Variants in FAM149A observed in about 807,000 individuals in gnomAD.
FAM149A encodes the protein family with sequence similarity 149 member A.
Under a neutral mutation model 78.2 loss-of-function variants are expected in FAM149A, and 71 were observed. The ratio of observed to expected loss-of-function variants is 0.91; its 90% confidence interval spans 0.75 to 1.11. The LOEUF (loss-of-function observed/expected upper bound fraction) is 1.11. FAM149A is among the 50% of genes least tolerant of loss of function. The probability of loss-of-function intolerance (pLI) is 0.00; values close to 1 mark genes in which losing one functional copy is unlikely to be tolerated. For missense variants in FAM149A, 1,036 were observed against 971.0 expected (o/e 1.07, Z -0.89); for synonymous variants, 446 against 410.5 (o/e 1.09, Z -1.04).
chr4:186,116,297 A>G lies in FAM149A; in HGVS notation c.566+10655A>G, dbSNP rs536682568. Reference sequence around the variant, plus strand: ...CACTGACCTGCGCCCACTGTCTGGCACTCCCTAGTGAGATGCACCCGGTAC... The same window carrying G: ...CACTGACCTGCGCCCACTGTCTGGCGCTCCCTAGTGAGATGCACCCGGTAC... On this transcript the variant is annotated intron_variant, in intron 1 of 13. Coordinates refer to ENST00000389354, the MANE Select transcript of FAM149A (RefSeq NM_001367768.3). 110 of 207,144 alleles carry G rather than the reference A, an allele frequency of 5.3e-4. 1 individual carries two copies. The Middle Eastern group carries it at 7.4e-3, about 14-fold the overall frequency. 12.8% of individuals were successfully genotyped at this position (207,144 alleles called of 1,614,324 possible).
At chr4:186,132,923 A>G (rs1475680235) in intron 1 of FAM149A, 10 of 957,660 alleles carry the variant, frequency 1.0e-5, no homozygotes, top group Non-Finnish European at 1.2e-5. Flanking sequence ...TGTTCATGTT[A>G]AGCCCTGAAC....
intron 1 of FAM149A, chr4:186,126,767 G>A: frequency 3.7e-6 from 2 of 543,902 alleles, no homozygotes; most frequent in Non-Finnish European, 4.7e-6. Context: ...GGCAGATGAT[G>A]CGACTTCTTA....
At chr4:186,123,367 G>C in intron 1 of FAM149A, 1 of 985,374 alleles carries the variant, frequency 1.0e-6, no homozygotes, top group Non-Finnish European at 1.2e-6. Flanking sequence ...GTGAATTTTC[G>C]TCTCATGGAC....
At chr4:186,140,915 AT>A (rs2099325533) in intron 1 of FAM149A, among the ~76,000 whole-genome samples, 1 of 152,222 alleles carries the variant, frequency 6.6e-6, no homozygotes, top group African/African-American at 2.4e-5. Context: ...TAGCTCATTG[AT>A]TATGGAGGCT....
At chr4:186,165,579 T>C in intron 11 of FAM149A, 115 bp downstream of exon 11, 2 of 974,604 alleles carry the variant, frequency 2.1e-6, no homozygotes, top group South Asian at 1.7e-5. Flanking sequence ...TGAGTAGCTG[T>C]ATTCAAATGC....
intron 1 of FAM149A, among the ~76,000 whole-genome samples, chr4:186,107,206 T>G (rs1421145575): frequency 6.6e-6 from 1 of 152,220 alleles, no homozygotes; most frequent in Admixed American, 6.5e-5. Context: ...CTAGTCTTAG[T>G]GCTTTTAACA....
Position 186,154,545 on chromosome 4 carries a change from T to C in FAM149A, c.1136T>C (p.Val379Ala), listed in dbSNP as rs1421376542. The change falls in exon 6 of 14, where the codon GTT becomes GCT. Residue 379 changes from valine (V) to alanine (A), a missense_variant. This residue lies in a region of FAM149A where 716 missense variants were observed against 711.8 expected (regional missense o/e 1.01). Transcript: ENST00000389354. Reference sequence around the variant, plus strand: ...CTGCCAGGCCCTGATGACACAGGGGTTGCTGACCTAACGGCACGTTCATCC... The same window carrying C: ...CTGCCAGGCCCTGATGACACAGGGGCTGCTGACCTAACGGCACGTTCATCC... 14 of 1,614,040 alleles carry C rather than the reference T, an allele frequency of 8.7e-6. No individual in the cohort carries two copies. The highest frequency in any genetic ancestry group is 1.1e-5 in the Non-Finnish European group (13 of 1,179,958).
At chr4:186,134,081 G>A (rs1201771505) in intron 1 of FAM149A, among the ~76,000 whole-genome samples, 3 of 152,110 alleles carry the variant, frequency 2.0e-5, no homozygotes, top group Non-Finnish European at 4.4e-5. Flanking sequence ...ACCATTTTAC[G>A]TTTCCACCGG....
At chr4:186,129,292 A>AC (rs2099319624) in intron 1 of FAM149A, among the ~76,000 whole-genome samples, 1 of 152,010 alleles carries the variant, frequency 6.6e-6, no homozygotes, top group Admixed American at 6.6e-5. Context: ...CTCCACACTG[A>AC]CCAATATGGC....
At chr4:186,154,252 A>C (rs1290244986) in intron 5 of FAM149A, among the ~76,000 whole-genome samples, 1 of 152,210 alleles carries the variant, frequency 6.6e-6, no homozygotes, top group Non-Finnish European at 1.5e-5. Context: ...AAACTCATAG[A>C]ATAATTTAGG....
chr4:186,136,997 TC>T, intron 1 of FAM149A, among the ~76,000 whole-genome samples: 3 of 142,452 alleles, frequency 2.1e-5, no homozygotes, highest in African/African-American at 7.7e-5. Flanking sequence ...TCTCTCTCTC[TC>T]TCTCTCTCTC....
At chr4:186,171,535 G>A (rs1735533281) in intron 13 of FAM149A, among the ~76,000 whole-genome samples, 1 of 152,136 alleles carries the variant, frequency 6.6e-6, no homozygotes, top group Non-Finnish European at 1.5e-5. Flanking sequence ...GAGCCAAAGG[G>A]GTATTCCAGG....
At chr4:186,170,378 C>T (rs149455087) in intron 13 of FAM149A, among the ~76,000 whole-genome samples, 37 of 152,352 alleles carry the variant, frequency 2.4e-4, no homozygotes, top group African/African-American at 7.5e-4. Flanking sequence ...GAGCAGATAA[C>T]GCAGTGCCTG....
In FAM149A at chr4:186,104,763, G is replaced by T. The variant is rs1417273167; in HGVS notation, c.-314G>T. 7.2e-5 allele frequency among the ~76,000 whole-genome samples: 10 copies of T among 138,270 alleles called. No individual in the cohort carries two copies. Among genetic ancestry groups the T allele is most frequent in the African/African-American group, 2.5e-4 (10 of 39,432 alleles). The allele number at this position is 138,270 out of a possible 152,430, so 90.7% of individuals were successfully genotyped here. ...AACCGCGGGCGGCGGGCGGCGGGCGGCGGGCGTCTGGGGCGGGCGGCGGCC... is the reference window on the plus strand; with the variant it reads ...AACCGCGGGCGGCGGGCGGCGGGCGTCGGGCGTCTGGGGCGGGCGGCGGCC... On this transcript the variant is annotated 5_prime_UTR_variant, in exon 1 of 14. Coordinates refer to ENST00000389354, the MANE Select transcript of FAM149A (RefSeq NM_001367768.3).
At chr4:186,169,249 A>T in intron 13 of FAM149A, 1 of 984,356 alleles carries the variant, frequency 1.0e-6, no homozygotes, top group Non-Finnish European at 1.2e-6. Context: ...ATTATAAAAA[A>T]TAATACATTA....
At chr4:186,122,709 C>A in intron 1 of FAM149A, 1 of 228,396 alleles carries the variant, frequency 4.4e-6, no homozygotes, top group Non-Finnish European at 7.3e-6. Context: ...ATATAAGAAT[C>A]ATTATTATTC....
At chr4:186,128,839 ATG>A (rs1302819992) in intron 1 of FAM149A, among the ~76,000 whole-genome samples, 1 of 151,658 alleles carries the variant, frequency 6.6e-6, no homozygotes, top group Non-Finnish European at 1.5e-5. Flanking sequence ...GTGTATGTGC[ATG>A]TGTGTATGGT....
chr4:186,124,257 TTTTC>T (rs1168995789), intron 1 of FAM149A: 3 of 942,804 alleles, frequency 3.2e-6, no homozygotes, highest in African/African-American at 4.2e-5. Context: ...TTGGGTTAAT[TTTTC>T]TTTCTTTTTT....
At chr4:186,142,003 C>T (rs2099325995) in intron 1 of FAM149A, among the ~76,000 whole-genome samples, 1 of 152,142 alleles carries the variant, frequency 6.6e-6, no homozygotes, top group East Asian at 1.9e-4. Flanking sequence ...GACCCCCTTC[C>T]CCAGCCTTCC....
Sources: allele counts gnomAD v4.1 joint callset (sites outside exome capture counted in the v4.1 genomes callset), GRCh38; gene constraint gnomAD v4.1.1; regional missense constraint gnomAD v4.1.1; transcripts MANE v1.5; gene names NCBI Gene and HGNC (gene_info 2026-07-23, HGNC 2026-07-21).